SPTBN1: variants seen among roughly 807,000 people sequenced by gnomAD.
The protein encoded by SPTBN1 is spectrin beta, non-erythrocytic 1, also known as spectrin beta chain, non-erythrocytic 1.
In SPTBN1, 32 loss-of-function variants were observed where a neutral mutation model predicts 266.4. The ratio of observed to expected loss-of-function variants is 0.12; its 90% CI spans 0.09 to 0.16. The LOEUF is 0.16. SPTBN1 is among the 10% of genes least tolerant of loss of function. The pLI, the probability that SPTBN1 is intolerant of heterozygous loss-of-function variation, is 1.00. For missense variants in SPTBN1, 2,296 were observed against 3,067.1 expected, an observed-to-expected ratio of 0.75 and a Z score of 5.94; for synonymous variants, 1,336 against 1,162.2, an observed-to-expected ratio of 1.15 and a Z score of -3.04.
chr2:54,521,001 A>G (rs773781633), intron 1 of SPTBN1, among the ~76,000 whole-genome samples: 4 of 152,120 alleles, frequency 2.6e-5, no homozygotes, highest in Non-Finnish European at 4.4e-5. Context: ...TTCTCTTCCT[A>G]AACTTCCCAC....
chr2:54,657,727 A>C, intron 29 of SPTBN1, 123 bp from the exon 30 acceptor site: 1 of 1,152,700 alleles, frequency 8.7e-7, no homozygotes, highest in Non-Finnish European at 1.2e-6. Context: ...GCTAATTTAG[A>C]GTAGACGATA....
chr2:54,664,302 A>G lies in SPTBN1; in HGVS notation c.6421-151A>G, dbSNP rs892190916. The G allele has an allele frequency of 1.2e-5, 9 of 738,812 alleles. No homozygotes were observed. The highest frequency in any genetic ancestry group is 1.0e-4 in the African/African-American group (6 of 57,204). The allele number at this position is 738,812 out of a possible 1,614,324, so 45.8% of individuals were successfully genotyped here. A position where few individuals can be genotyped will look rare whatever the true frequency, so the allele number is the denominator to read the frequency against. The stretch of plus-strand genomic sequence containing the variant: ...CCACCTTCTAATGTCCTTGATGTCC[A>G]GCTGGCTTTGTGGGTGTGCAATGGT... On this transcript the variant is annotated intron_variant, in intron 32 of 35. Transcript: ENST00000356805. This position sits in a 1 kb window ranked among gnomAD's most constrained non-coding sequence, Gnocchi z 5.6.
chr2:54,647,115 TCTC>T lies in SPTBN1; in HGVS notation c.4867-13_4867-11del, dbSNP rs1357542852. Reference sequence around the variant, plus strand: ...GAGGGGACCGCTATGGTTGTGATGTTCTCCTGTCTTTGCAGGATGAGCAGAGTG... The same window carrying T: ...GAGGGGACCGCTATGGTTGTGATGTTCTGTCTTTGCAGGATGAGCAGAGTG... On this transcript the variant is annotated splice_polypyrimidine_tract_variant and intron_variant, in intron 23 of 35. Coordinates refer to ENST00000356805, the MANE Select transcript of SPTBN1 (RefSeq NM_003128.3). 1 of 1,614,044 alleles carries T rather than the reference TCTC, an allele frequency of 6.2e-7. No homozygotes were observed. Among genetic ancestry groups the T allele is most frequent in the Non-Finnish European group, 8.5e-7 (1 of 1,180,024 alleles).
intron 2 of SPTBN1, among the ~76,000 whole-genome samples, chr2:54,555,507 AT>A (rs1326091374): frequency 6.6e-6 from 1 of 152,066 alleles, no homozygotes; most frequent in Non-Finnish European, 1.5e-5. Context: ...TTTTCATTTG[AT>A]TGCTCCTTTG....
rs201352146 is a variant in SPTBN1 at position 54,646,317 on chromosome 2, C to G, written c.4708C>G (p.Leu1570Val). The G allele has an allele frequency of 2.3e-4, 369 of 1,614,098 alleles. No individual in the cohort carries two copies. The highest frequency in any genetic ancestry group is 2.5e-4 in the Non-Finnish European group (296 of 1,180,048). Reference protein sequence around the residue: ...AEAIRQRLADLKQLWGLLIEE... With the variant: ...AEAIRQRLADVKQLWGLLIEE... ...GGCCATCAGACAGAGGCTTGCCGAC[C>G]TGAAGCAGCTGTGGGGTCTCCTCAT... Residue 1570 changes from leucine to valine, a missense_variant, in exon 23 of 36, where the codon CTG (leucine) becomes GTG (valine). Leu to Val is a conservative substitution (Grantham distance 32, BLOSUM62 1). Coordinates refer to ENST00000356805, the MANE Select transcript of SPTBN1 (RefSeq NM_003128.3). The surrounding 1 kb of genome is among the most constrained non-coding windows in gnomAD (Gnocchi z 4.4).
chr2:54,629,977 G>T lies in SPTBN1; in HGVS notation c.2755G>T (p.Gly919Cys), dbSNP rs763382679. 5 of 1,614,082 alleles carry T rather than the reference G, an allele frequency of 3.1e-6. 1 individual carries two copies. The South Asian group carries it at 3.3e-5, about 11-fold the overall frequency. ...NQIARQLMHS[G>C]HPSEKEIKAQ... ...GATTGCACGCCAGCTGATGCACAGCGGCCACCCAAGTGAGAAGGAAATCAA... is the reference window on the plus strand; with the variant it reads ...GATTGCACGCCAGCTGATGCACAGCTGCCACCCAAGTGAGAAGGAAATCAA... Residue 919 changes from glycine to cysteine, a missense_variant, in exon 15 of 36, where the codon GGC becomes TGC. Coordinates refer to ENST00000356805, the MANE Select transcript of SPTBN1 (RefSeq NM_003128.3).
chr2:54,659,973 T>C lies in SPTBN1; in HGVS notation c.6394T>C (p.Leu2132=), dbSNP rs1680927656. The C allele has an allele frequency of 6.2e-7, 1 of 1,614,078 alleles. No homozygotes were observed. Among genetic ancestry groups the C allele is most frequent in the African/African-American group, 1.3e-5 (1 of 74,910 alleles). ...AGGAGAACAAGTTTCCCAAAACGGT[T>C]TGCCAGCTGAACAGGGATCTCCACG... is the stretch of plus-strand genomic sequence containing the variant. ...SKGEQVSQNG[L]PAEQGSPRMA... Residue 2132 remains leucine, a synonymous_variant, in exon 32 of 36, where the codon TTG becomes CTG. Transcript: ENST00000356805.
At chr2:54,662,257 CTG>C (rs1681099188) in intron 32 of SPTBN1, 1 of 985,268 alleles carries the variant, frequency 1.0e-6, no homozygotes, top group African/African-American at 1.7e-5. Context: ...GGTGTGCTGT[CTG>C]TTGGCATGCT....
intron 1 of SPTBN1, among the ~76,000 whole-genome samples, chr2:54,494,629 A>T (rs1573268940): frequency 6.6e-6 from 1 of 152,242 alleles, no homozygotes; most frequent in Non-Finnish European, 1.5e-5. Context: ...AAGCAGCCAG[A>T]CAAAAAAAGA....
Position 54,664,269 on chromosome 2 carries a change from A to C in SPTBN1, c.6421-184A>C, listed in dbSNP as rs1681231995. 1.6e-6 allele frequency: 1 copy of C among 638,748 alleles called. No individual in the cohort carries two copies. The allele number at this position is 638,748 out of a possible 1,614,324, so 39.6% of individuals were successfully genotyped here. On this transcript the variant is annotated intron_variant, in intron 32 of 35. Transcript: ENST00000356805. This position sits in a 1 kb window ranked among gnomAD's most constrained non-coding sequence, Gnocchi z 5.6. The stretch of plus-strand genomic sequence containing the variant: ...TTTCCCTGTAAATGGGCGGGTATTA[A>C]TCCATTCCCACCTTCTAATGTCCTT...
In SPTBN1 at chr2:54,646,524, A is replaced by G. The variant is rs200463366; in HGVS notation, c.4866+49A>G. 6.0e-5 allele frequency: 87 copies of G among 1,443,296 alleles called. No individual in the cohort carries two copies. Among genetic ancestry groups the G allele is most frequent in the Middle Eastern group, 2.6e-4 (1 of 3,882 alleles). 89.4% of individuals were successfully genotyped at this position (1,443,296 alleles called of 1,614,324 possible). On this transcript the variant is annotated intron_variant, in intron 23 of 35. Coordinates refer to ENST00000356805, the MANE Select transcript of SPTBN1 (RefSeq NM_003128.3). The surrounding 1 kb of genome is among the most constrained non-coding windows in gnomAD (Gnocchi z 4.4). ...CTGTCCCAGGAGAGCCTCAGATTCA[A>G]ACCCTGGGCACACTTTCTGCTGGCG...
At chr2:54,476,544 T>A (rs1041025157) in intron 1 of SPTBN1, among the ~76,000 whole-genome samples, 11 of 152,260 alleles carry the variant, frequency 7.2e-5, no homozygotes, top group African/African-American at 2.7e-4. Context: ...CGAGCTGTTG[T>A]ATCCTAACAG....
intron 2 of SPTBN1, among the ~76,000 whole-genome samples, chr2:54,580,206 A>T (rs1246968155): frequency 6.6e-6 from 1 of 152,198 alleles, no homozygotes; most frequent in Non-Finnish European, 1.5e-5. Context: ...TCTTTAAAGT[A>T]AAACCCCTTT....
intron 1 of SPTBN1, among the ~76,000 whole-genome samples, chr2:54,492,347 T>C (rs866880260): frequency 8.1e-5 from 12 of 148,286 alleles, no homozygotes; most frequent in Non-Finnish European, 1.5e-5. Flanking sequence ...AGTTGTTTTT[T>C]TGTTTTTTTT....
At position 54,648,969 on chromosome 2, in the gene SPTBN1, C is replaced by T. The variant is rs113104015; in HGVS notation, c.4998-17C>T. 5.1e-6 allele frequency: 8 copies of T among 1,570,938 alleles called. No homozygotes were observed. The highest frequency in any genetic ancestry group is 6.9e-6 in the Non-Finnish European group (8 of 1,151,812). On this transcript the variant is annotated splice_polypyrimidine_tract_variant and intron_variant, in intron 24 of 35. Transcript: ENST00000356805. ...TTTAAGATCCTTTTTCTCCCCATTG[C>T]TCCTTTTCTTTTTCAGTGAGCGCAT... is the stretch of plus-strand genomic sequence containing the variant.
rs201938479 is a variant in SPTBN1 at position 54,617,727 on chromosome 2, A to G, written c.647+39A>G. 638 of 1,602,010 alleles carry G rather than the reference A, an allele frequency of 4.0e-4. 4 individuals carry two copies. In the African/African-American group the frequency reaches 6.1e-3, roughly 15 times the overall value. On this transcript the variant is annotated intron_variant, in intron 6 of 35. Coordinates refer to ENST00000356805, the MANE Select transcript of SPTBN1 (RefSeq NM_003128.3). ...AATCATCCTAGCAATCGTGGGGTAA[A>G]AGGTTGCTGTCCTTCCATAGCAGAT...
chr2:54,585,181 C>T (rs1161311628), intron 2 of SPTBN1, among the ~76,000 whole-genome samples: 1 of 152,140 alleles, frequency 6.6e-6, no homozygotes, highest in East Asian at 1.9e-4. Context: ...TTAGAAGATT[C>T]AATATGACCA....
At chr2:54,538,698 T>C (rs556073443) in intron 2 of SPTBN1, among the ~76,000 whole-genome samples, 10 of 152,340 alleles carry the variant, frequency 6.6e-5, no homozygotes, top group South Asian at 2.1e-4. Context: ...AATGACATCA[T>C]TGACTGATGG....
In SPTBN1 at chr2:54,631,275, C is replaced by A. The variant is rs1485892533; in HGVS notation, c.3228C>A (p.Ser1076=). ...TACGGGACTTGGACGACTTCCAGTC[C>A]TGGCTCTCTAGGACCCAGACAGCGA... ...QFLRDLDDFQ[S]WLSRTQTAIA... is the part of the protein sequence containing the mutation. The change falls in exon 16 of 36, where the codon TCC becomes TCA. Residue 1076 remains serine, a synonymous_variant. Coordinates refer to ENST00000356805, the MANE Select transcript of SPTBN1 (RefSeq NM_003128.3). The A allele has an allele frequency of 6.2e-7, 1 of 1,614,208 alleles. No individual in the cohort carries two copies. The highest frequency in any genetic ancestry group is 1.7e-5 in the Admixed American group (1 of 60,034).
Sources: gnomAD v4.1 joint callset for allele counts (sites outside exome capture counted in the v4.1 genomes callset) on GRCh38, gnomAD v4.1.1 for gene constraint, Gnocchi (gnomAD v3.1) non-coding constraint, MANE v1.5 for transcripts, NCBI Gene and HGNC (gene_info 2026-07-23, HGNC 2026-07-21) for gene names.